Variants in TSC1 observed in about 807,000 individuals in gnomAD.
The protein encoded by TSC1 is hamartin.
TSC1 carries 20 observed loss-of-function variants against 124.3 expected under a neutral mutation model. The ratio of observed to expected loss-of-function variants is 0.16; its 90% confidence interval spans 0.11 to 0.23. The LOEUF is 0.23. Ranked by LOEUF, TSC1 falls within the 10% of genes least tolerant of loss-of-function variation. The probability of loss-of-function intolerance (pLI) is 1.00; values close to 1 mark genes in which losing one functional copy is unlikely to be tolerated. For missense variants in TSC1, 1,124 were observed against 1,448.5 expected (o/e 0.78, Z 3.64); for synonymous variants, 493 against 539.1 (o/e 0.91, Z 1.19).
rs906256524 is a variant in TSC1, at chr9:132,896,779, A to G, written c.2976-25T>C. The G allele has an allele frequency of 4.3e-6, 7 of 1,613,424 alleles. No individual in the cohort carries two copies. The African/African-American group carries it at 9.3e-5, about 22-fold the overall frequency. ...CCTGTAAGAAAGCCGGGGAGGAAAAAAGGAGCTGGTGATTGGACTGTCCAC... is the reference window on the plus strand; with the variant it reads ...CCTGTAAGAAAGCCGGGGAGGAAAAGAGGAGCTGGTGATTGGACTGTCCAC... On this transcript the variant is annotated intron_variant, in intron 22 of 22. Coordinates refer to ENST00000298552, the MANE Select transcript of TSC1 (RefSeq NM_000368.5). This position sits in a 1 kb window ranked among gnomAD's most constrained non-coding sequence, Gnocchi z 4.5.
At chr9:132,927,810 C>G (rs553837743) in intron 3 of TSC1, among the ~76,000 whole-genome samples, 1 of 152,326 alleles carries the variant, frequency 6.6e-6, no homozygotes, top group African/African-American at 2.4e-5. Context: ...CAGGCGTGAG[C>G]CGCCACACCT....
At position 132,906,089 on chromosome 9, in the gene TSC1, C is replaced by G. The variant is rs946491568; in HGVS notation, c.1489G>C (p.Val497Leu). Residue 497 changes from valine to leucine, a missense_variant, in exon 15 of 23, where the codon GTG (valine) becomes CTG (leucine). Physicochemically the swap from Val to Leu is conservative, Grantham distance 32. Around this residue, in one of 5 missense-constraint regions of TSC1, gnomAD observed 9 missense variants for 34.2 expected, o/e 0.26. Coordinates refer to ENST00000298552, the MANE Select transcript of TSC1 (RefSeq NM_000368.5). The surrounding 1 kb of genome is among the most constrained non-coding windows in gnomAD (Gnocchi z 4.1). The stretch of plus-strand genomic sequence containing the variant: ...GAGTCAAAGCCTCCTCGAGGAACCA[C>G]AGGCTCTGCCTCTGCTGTGGTGATC... The part of the protein sequence containing the change: ...SEITTAEAEP[V>L]VPRGGFDSPF... 17 of 1,613,840 alleles carry G rather than the reference C, an allele frequency of 1.1e-5. No individual in the cohort carries two copies. The highest frequency in any genetic ancestry group is 1.4e-5 in the Non-Finnish European group (17 of 1,179,982).
intron 6 of TSC1, 128 bp from the exon 7 acceptor site, chr9:132,922,101 AG>A (rs755819375): frequency 1.6e-5 from 18 of 1,135,372 alleles, no homozygotes; most frequent in Admixed American, 1.2e-4. Flanking sequence ...CTCCAAAGAC[AG>A]GAAGAGTGGT....
At chr9:132,910,245 G>A in intron 12 of TSC1, 2 of 569,254 alleles carry the variant, frequency 3.5e-6, no homozygotes, top group South Asian at 4.4e-5. Context: ...AGGCTGCAGT[G>A]AGCCATGATC....
intron 12 of TSC1, among the ~76,000 whole-genome samples, chr9:132,908,051 C>T (rs1845761475): frequency 6.6e-6 from 1 of 152,194 alleles, no homozygotes. Flanking sequence ...TGTGCCACTG[C>T]ACTCCAGCCT....
In TSC1 at chr9:132,923,373, C is replaced by T. The variant is rs1846671974; in HGVS notation, c.483G>A (p.Leu161=). The T allele has an allele frequency of 6.2e-7, 1 of 1,614,176 alleles. No individual in the cohort carries two copies. The highest frequency in any genetic ancestry group is 8.5e-7 in the Non-Finnish European group (1 of 1,180,010). ...CTGGTTTCTTCAGGCACCATGATGA[C>T]AGACGGCCAAAAATGTCAAAGAAAT... ...LLDFFDIFGR[L]SSWCLKKPGH... Residue 161 remains leucine, a synonymous_variant, in exon 6 of 23, where the codon CTG becomes CTA. Transcript: ENST00000298552. This position sits in a 1 kb window ranked among gnomAD's most constrained non-coding sequence, Gnocchi z 4.2.
At position 132,927,182 on chromosome 9, in the gene TSC1, A is replaced by G; in HGVS notation, c.210+19T>C. 4 of 1,610,062 alleles carry G rather than the reference A, an allele frequency of 2.5e-6. No individual in the cohort carries two copies. Among genetic ancestry groups the G allele is most frequent in the Non-Finnish European group, 3.4e-6 (4 of 1,176,896 alleles). ...CTCATGAAGAACATATGAAATGCCT[A>G]TGATATTTCAGCCATTACCTTGTCA... On this transcript the variant is annotated intron_variant, in intron 4 of 22. Coordinates refer to ENST00000298552, the MANE Select transcript of TSC1 (RefSeq NM_000368.5).
At chr9:132,944,891 A>G (rs1222209523), upstream of TSC1, 12 of 294,592 alleles carry the variant, frequency 4.1e-5, no homozygotes, top group Non-Finnish European at 7.5e-5. Flanking sequence ...GGAGGCAAAA[A>G]GAAGGGCCGG....
In TSC1 at chr9:132,896,079, G is replaced by T; in HGVS notation, c.*156C>A. Reference sequence around the variant, plus strand: ...CATTTCAATGCCAGATCCAAAAACCGTTCTGCATTCAGTCAGCTGTCCAAA... The same window carrying T: ...CATTTCAATGCCAGATCCAAAAACCTTTCTGCATTCAGTCAGCTGTCCAAA... On this transcript the variant is annotated 3_prime_UTR_variant, in exon 23 of 23. Coordinates refer to ENST00000298552, the MANE Select transcript of TSC1 (RefSeq NM_000368.5). The surrounding 1 kb of genome is among the most constrained non-coding windows in gnomAD (Gnocchi z 4.5). 2 of 1,126,032 alleles carry T rather than the reference G, an allele frequency of 1.8e-6. No individual in the cohort carries two copies. The highest frequency in any genetic ancestry group is 2.6e-6 in the Non-Finnish European group (2 of 761,424). 69.8% of individuals were successfully genotyped at this position (1,126,032 alleles called of 1,614,324 possible).
At chr9:132,944,247 G>A (rs967126729) in intron 1 of TSC1, among the ~76,000 whole-genome samples, 24 of 152,076 alleles carry the variant, frequency 1.6e-4, no homozygotes, top group African/African-American at 5.8e-4. Context: ...CCTCGCCCCT[G>A]CCCGAGGGAC....
intron 8 of TSC1, among the ~76,000 whole-genome samples, chr9:132,917,796 T>A (rs564911287): frequency 6.6e-6 from 1 of 152,358 alleles, no homozygotes; most frequent in East Asian, 1.9e-4. Flanking sequence ...AAATGTTTAT[T>A]TTGGCTATCA....
chr9:132,910,297 T>C lies in TSC1; in HGVS notation c.1263+274A>G, dbSNP rs1463666662. ...CCCTGGGCGACAGAGCAAGACCCTG[T>C]CTCCAAAAAAAAAAAAAAAAAAAAA... On this transcript the variant is annotated intron_variant, in intron 12 of 22. Coordinates refer to ENST00000298552, the MANE Select transcript of TSC1 (RefSeq NM_000368.5). The C allele has an allele frequency of 8.5e-6, 5 of 586,442 alleles. No homozygotes were observed. In the East Asian group the frequency reaches 1.4e-4, roughly 16 times the overall value. 36.3% of individuals were successfully genotyped at this position (586,442 alleles called of 1,614,324 possible).
chr9:132,908,413 G>C (rs1336855040), intron 12 of TSC1, among the ~76,000 whole-genome samples: 1 of 152,114 alleles, frequency 6.6e-6, no homozygotes, highest in Non-Finnish European at 1.5e-5. Flanking sequence ...AAGAAAATCT[G>C]GGGCCCCACA....
At chr9:132,943,626 T>A (rs973387365) in intron 1 of TSC1, 1 of 152,194 alleles carries the variant, frequency 6.6e-6, no homozygotes, top group African/African-American at 2.4e-5. Context: ...TTGAGAAGAT[T>A]GGAGGTGTTA....
chr9:132,932,950 T>A (rs1847276236), intron 2 of TSC1, among the ~76,000 whole-genome samples: 1 of 152,214 alleles, frequency 6.6e-6, no homozygotes, highest in Non-Finnish European at 1.5e-5. Flanking sequence ...GTAGCCAGAT[T>A]TGATCCAATG....
intron 2 of TSC1, among the ~76,000 whole-genome samples, chr9:132,932,001 A>G (rs1387872536): frequency 6.6e-6 from 1 of 152,248 alleles, no homozygotes; most frequent in Admixed American, 6.5e-5. Flanking sequence ...TCAGTGTGTT[A>G]GCCACAAAAG....
rs780224196 is a variant in TSC1, at chr9:132,896,735, C to G, written c.2995G>C (p.Gly999Arg). ...AEERLDCCND[G>R]CSDSMVGHNE... is the part of the protein sequence containing the mutation. Reference sequence around the variant, plus strand: ...TGCCCTACCATGGAATCTGAGCACCCGTCATTACAACAGTCAAGCCTGTAA... The same window carrying G: ...TGCCCTACCATGGAATCTGAGCACCGGTCATTACAACAGTCAAGCCTGTAA... The change falls in exon 23 of 23, where the codon GGG (glycine) becomes CGG (arginine). Residue 999 changes from glycine (G) to arginine (R), a missense_variant. Gly to Arg is a moderately radical substitution (Grantham distance 125). Around this residue, in one of 5 missense-constraint regions of TSC1, gnomAD observed 325 missense variants for 383.4 expected, o/e 0.85. Transcript: ENST00000298552. This position sits in a 1 kb window ranked among gnomAD's most constrained non-coding sequence, Gnocchi z 4.5. 6.2e-7 allele frequency: 1 copy of G among 1,613,590 alleles called. No homozygotes were observed. The highest frequency in any genetic ancestry group is 1.7e-5 in the Admixed American group (1 of 60,016).
At chr9:132,913,889 T>C (rs1019526875) in intron 8 of TSC1, among the ~76,000 whole-genome samples, 1 of 100,152 alleles carries the variant, frequency 1.0e-5, no homozygotes, top group Non-Finnish European at 2.2e-5. Flanking sequence ...TTGTTTTGTT[T>C]TGTTTTTTTT....
chr9:132,922,923 G>A (rs1415758126), intron 6 of TSC1, among the ~76,000 whole-genome samples: 15 of 151,922 alleles, frequency 9.9e-5, no homozygotes, highest in African/African-American at 7.3e-5. Context: ...AGGACACACC[G>A]CATTTCCCTC....
Sources: gnomAD v4.1 joint callset for allele counts (sites outside exome capture counted in the v4.1 genomes callset) on GRCh38, gnomAD v4.1.1 for gene constraint, gnomAD v4.1.1 regional missense constraint, Gnocchi (gnomAD v3.1) non-coding constraint, MANE v1.5 for transcripts, NCBI Gene and HGNC (gene_info 2026-07-23, HGNC 2026-07-21) for gene names.